Variants in KIF2A observed in about 807,000 individuals in gnomAD.
KIF2A encodes the protein kinesin family member 2A.
In KIF2A, 22 loss-of-function variants were observed where a neutral mutation model predicts 100.2. That is an observed-to-expected ratio of 0.22 (90% CI 0.16 to 0.31). The LOEUF is 0.31. KIF2A is among the 10% of genes least tolerant of loss of function. The probability of loss-of-function intolerance (pLI) is 1.00; values close to 1 mark genes in which losing one functional copy is unlikely to be tolerated. For synonymous variants in KIF2A, 268 were observed against 285.9 expected (o/e 0.94, Z 0.63); for missense variants, 495 against 898.7 (o/e 0.55, Z 5.74).
intron 1 of KIF2A, among the ~76,000 whole-genome samples, chr5:62,346,390 A>G (rs746407430): frequency 2.0e-5 from 3 of 152,178 alleles, no homozygotes; most frequent in South Asian, 4.1e-4. Context: ...TTTGCATCGT[A>G]TATGGTAAAA....
intron 1 of KIF2A, among the ~76,000 whole-genome samples, chr5:62,334,936 G>A (rs576286572): frequency 3.3e-5 from 5 of 152,308 alleles, no homozygotes; most frequent in East Asian, 1.9e-4. Flanking sequence ...TTCACTGGCC[G>A]ATGAGTGACT....
At chr5:62,347,420 CTTAA>C (rs1310929520) in intron 2 of KIF2A, among the ~76,000 whole-genome samples, 196 bp downstream of exon 2, 1 of 151,976 alleles carries the variant, frequency 6.6e-6, no homozygotes, top group African/African-American at 2.4e-5. Flanking sequence ...ACATATCAGT[CTTAA>C]TTATTTGATA....
At chr5:62,318,106 C>CA (rs1468862188) in intron 1 of KIF2A, among the ~76,000 whole-genome samples, 1 of 150,976 alleles carries the variant, frequency 6.6e-6, no homozygotes, top group Non-Finnish European at 1.5e-5. Context: ...TTTTTGGAGA[C>CA]AGAGTCTTGG....
intron 20 of KIF2A, among the ~76,000 whole-genome samples, chr5:62,384,498 C>T (rs1003916280): frequency 7.2e-5 from 11 of 152,118 alleles, no homozygotes; most frequent in African/African-American, 2.2e-4. Context: ...TTACCAGCAT[C>T]GTTGGTCTCT....
intron 1 of KIF2A, among the ~76,000 whole-genome samples, chr5:62,324,225 A>T (rs894317490): frequency 6.6e-6 from 1 of 152,154 alleles, no homozygotes; most frequent in African/African-American, 2.4e-5. Context: ...TGATACAAAC[A>T]GAAAAACATT....
chr5:62,381,718 C>A (rs1051225917), intron 20 of KIF2A, among the ~76,000 whole-genome samples: 1 of 152,190 alleles, frequency 6.6e-6, no homozygotes, highest in Non-Finnish European at 1.5e-5. Context: ...GCGCAAGCCA[C>A]CACACCCAGC....
chr5:62,326,289 G>A (rs1442279867), intron 1 of KIF2A, among the ~76,000 whole-genome samples: 1 of 152,034 alleles, frequency 6.6e-6, no homozygotes, highest in Non-Finnish European at 1.5e-5. Flanking sequence ...CTGTTGGTTA[G>A]TGGAGACACC....
intron 1 of KIF2A, among the ~76,000 whole-genome samples, chr5:62,337,731 A>C (rs1414290514): frequency 1.3e-5 from 2 of 151,932 alleles, no homozygotes; most frequent in African/African-American, 4.8e-5. Context: ...AGGCTGAAGC[A>C]GGAGGATCAC....
At position 62,306,311 on chromosome 5, in the gene KIF2A, C is replaced by A; in HGVS notation, c.-162C>A. 1.7e-6 allele frequency: 1 copy of A among 603,336 alleles called. No individual in the cohort carries two copies. Among genetic ancestry groups the A allele is most frequent in the Non-Finnish European group, 2.9e-6 (1 of 341,818 alleles). The allele number at this position is 603,336 out of a possible 1,614,324, so 37.4% of individuals were successfully genotyped here. The stretch of plus-strand genomic sequence containing the variant: ...AGGCCCGGGGCCTCCGCCTGCTTCC[C>A]CACAGCTGCTCCTTGCGGCCCCGCT... On this transcript the variant is annotated 5_prime_UTR_variant, in exon 1 of 21. Coordinates refer to ENST00000407818, the MANE Select transcript of KIF2A (RefSeq NM_001098511.3).
chr5:62,307,628 CTT>C lies in KIF2A; in HGVS notation c.64+1106_64+1107del, dbSNP rs34564670. On this transcript the variant is annotated intron_variant, in intron 1 of 20. Transcript: ENST00000407818. ...CTGACTCCATCTCTCATACCGATTC[CTT>C]TTTTTTTTTTTTTGAGACGGATTTT... Among the ~76,000 whole-genome samples, 247 of 140,396 alleles carry C rather than the reference CTT, an allele frequency of 1.8e-3. 1 individual carries two copies. Among genetic ancestry groups the C allele is most frequent in the Middle Eastern group, 3.8e-3 (1 of 264 alleles). 92.1% of individuals were successfully genotyped at this position (140,396 alleles called of 152,430 possible).
At chr5:62,371,048 C>G (rs1741301630) in intron 16 of KIF2A, among the ~76,000 whole-genome samples, 1 of 152,126 alleles carries the variant, frequency 6.6e-6, no homozygotes, top group African/African-American at 2.4e-5. Flanking sequence ...AGGAGGATCA[C>G]TTGAGTCCAG....
chr5:62,350,734 A>G (rs1258512605), intron 4 of KIF2A, among the ~76,000 whole-genome samples: 2 of 151,774 alleles, frequency 1.3e-5, no homozygotes, highest in Admixed American at 6.6e-5. Flanking sequence ...CAACATGGTG[A>G]AACCCCGTCT....
chr5:62,345,901 G>A (rs1309592261), intron 1 of KIF2A, among the ~76,000 whole-genome samples: 1 of 152,064 alleles, frequency 6.6e-6, no homozygotes, highest in African/African-American at 2.4e-5. Flanking sequence ...AGATGGATCG[G>A]TAAGATGAAA....
chr5:62,309,021 A>T (rs1038602763), intron 1 of KIF2A, among the ~76,000 whole-genome samples: 1 of 152,218 alleles, frequency 6.6e-6, no homozygotes, highest in African/African-American at 2.4e-5. Context: ...TTTATTTTTT[A>T]AAAAATTAGG....
At chr5:62,322,057 C>T (rs1561250365) in intron 1 of KIF2A, among the ~76,000 whole-genome samples, 1 of 152,026 alleles carries the variant, frequency 6.6e-6, no homozygotes, top group Admixed American at 6.6e-5. Flanking sequence ...GTAGCTAGGA[C>T]CACAGGCACA....
intron 1 of KIF2A, among the ~76,000 whole-genome samples, chr5:62,337,329 TAA>T (rs1747015843): frequency 6.6e-6 from 1 of 151,810 alleles, no homozygotes; most frequent in Admixed American, 6.6e-5. Flanking sequence ...CCCTCTCTAC[TAA>T]AAATACAAAA....
intron 9 of KIF2A, among the ~76,000 whole-genome samples, chr5:62,359,413 A>G (rs951449705): frequency 1.3e-5 from 2 of 152,042 alleles, no homozygotes; most frequent in Admixed American, 6.6e-5. Context: ...TACTTTTGAG[A>G]CCAACTCTTT....
At chr5:62,327,008 G>A (rs1263854842) in intron 1 of KIF2A, among the ~76,000 whole-genome samples, 1 of 152,112 alleles carries the variant, frequency 6.6e-6, no homozygotes, top group Non-Finnish European at 1.5e-5. Context: ...TTGAGGCATT[G>A]CTCCTGTTTT....
chr5:62,343,302 C>T (rs1280511150), intron 1 of KIF2A, among the ~76,000 whole-genome samples: 3 of 152,176 alleles, frequency 2.0e-5, no homozygotes, highest in Non-Finnish European at 4.4e-5. Flanking sequence ...CCAGCACCTG[C>T]ATCTCCTCTA....
Sources: gnomAD v4.1 joint callset for allele counts (sites outside exome capture counted in the v4.1 genomes callset) on GRCh38, gnomAD v4.1.1 for gene constraint, MANE v1.5 for transcripts, NCBI Gene and HGNC (gene_info 2026-07-23, HGNC 2026-07-21) for gene names.